The following SLC7A14 variants were observed in gnomAD, a reference collection of about 807,000 sequenced individuals.
SLC7A14 encodes solute carrier family 7 member 14.
A neutral mutation model predicts 60.2 loss-of-function variants in SLC7A14; 37 were observed. The ratio of observed to expected loss-of-function variants is 0.61; its 90% CI spans 0.47 to 0.81. The LOEUF is 0.81. Ranked by LOEUF, SLC7A14 falls within the 30% of genes least tolerant of loss-of-function variation. The pLI, the probability that SLC7A14 is intolerant of heterozygous loss-of-function variation, is 0.00. For synonymous variants in SLC7A14, 399 were observed against 395.8 expected, an observed-to-expected ratio of 1.01 and a Z score of -0.10; for missense variants, 886 against 982.7, an observed-to-expected ratio of 0.90 and a Z score of 1.32.
chr3:170,492,153 G>T (rs146129753), intron 4 of SLC7A14, among the ~76,000 whole-genome samples: 2 of 152,236 alleles, frequency 1.3e-5, no homozygotes, highest in African/African-American at 4.8e-5. Context: ...TCTGACCACT[G>T]GTGTTTATAA....
At chr3:170,576,790 A>T (rs1469369690) in intron 1 of SLC7A14, among the ~76,000 whole-genome samples, 1 of 152,132 alleles carries the variant, frequency 6.6e-6, no homozygotes, top group African/African-American at 2.4e-5. Context: ...GATATTTAAC[A>T]TTCTAGATCC....
chr3:170,512,399 C>A (rs941596296), intron 2 of SLC7A14, among the ~76,000 whole-genome samples: 1 of 152,118 alleles, frequency 6.6e-6, no homozygotes, highest in East Asian at 1.9e-4. Flanking sequence ...CATGAGAGAC[C>A]CTTCATGACA....
At chr3:170,513,077 G>A (rs964224294) in intron 2 of SLC7A14, among the ~76,000 whole-genome samples, 2 of 152,120 alleles carry the variant, frequency 1.3e-5, no homozygotes, top group Non-Finnish European at 2.9e-5. Context: ...TTCTAGCTAA[G>A]TAGCTCCTAC....
intron 1 of SLC7A14, among the ~76,000 whole-genome samples, chr3:170,549,026 A>T (rs1245680924): frequency 1.3e-5 from 2 of 152,172 alleles, no homozygotes; most frequent in Non-Finnish European, 2.9e-5. Context: ...GGGACATAGA[A>T]ATAAATAAAT....
At position 170,465,999 on chromosome 3, in the gene SLC7A14, G is replaced by A. The variant is rs980617110; in HGVS notation, c.*1056C>T. 6.6e-6 allele frequency: 1 copy of A among 152,166 alleles called. No individual in the cohort carries two copies. Among genetic ancestry groups the A allele is most frequent in the African/African-American group, 2.4e-5 (1 of 41,438 alleles). The allele number at this position is 152,166 out of a possible 1,614,324, so 9.4% of individuals were successfully genotyped here. On this transcript the variant is annotated 3_prime_UTR_variant, in exon 8 of 8. Transcript: ENST00000231706. ...AAGGAATAAGGTTCAGAAGTGAAATGTGATCTCATGGAATGCAACTACCTA... is the reference window on the plus strand; with the variant it reads ...AAGGAATAAGGTTCAGAAGTGAAATATGATCTCATGGAATGCAACTACCTA...
intron 7 of SLC7A14, among the ~76,000 whole-genome samples, chr3:170,473,149 G>A (rs1321310039): frequency 6.6e-6 from 1 of 152,094 alleles, no homozygotes; most frequent in East Asian, 1.9e-4. Flanking sequence ...TCATATACTA[G>A]GGTACCTTGG....
At chr3:170,491,530 G>T (rs1051355027) in intron 4 of SLC7A14, among the ~76,000 whole-genome samples, 1 of 151,924 alleles carries the variant, frequency 6.6e-6, no homozygotes, top group Admixed American at 6.6e-5. Context: ...GAGTATTTAG[G>T]CAGGGTTAAG....
intron 1 of SLC7A14, among the ~76,000 whole-genome samples, chr3:170,584,160 T>C (rs924625556): frequency 2.6e-5 from 4 of 152,162 alleles, no homozygotes; most frequent in African/African-American, 7.2e-5. Flanking sequence ...CAAATAGGCC[T>C]CCCCAAATTG....
rs1277063649 is a variant in SLC7A14 at position 170,461,403 on chromosome 3, G to C, written c.*5652C>G. ...TGTTTCAGAATGATTTCAGAATGAT[G>C]CCTGCATTACTCAAGCAGGACAAGA... is the stretch of plus-strand genomic sequence containing the variant. On this transcript the variant is annotated 3_prime_UTR_variant, in exon 8 of 8. Transcript: ENST00000231706. 2 of 152,192 alleles carry C rather than the reference G, an allele frequency of 1.3e-5. No homozygotes were observed. The highest frequency in any genetic ancestry group is 1.3e-4 in the Admixed American group (2 of 15,290). The allele number at this position is 152,192 out of a possible 1,614,324, so 9.4% of individuals were successfully genotyped here. A position where few individuals can be genotyped will look rare whatever the true frequency, so the allele number is the denominator to read the frequency against.
chr3:170,480,791 C>T lies in SLC7A14; in HGVS notation c.1491G>A (p.Gly497=), dbSNP rs145787666. 92 of 1,614,180 alleles carry T rather than the reference C, an allele frequency of 5.7e-5. 1 individual carries two copies. The East Asian group carries it at 1.8e-3, about 32-fold the overall frequency. ...PSLGDNEMLI[G]KSDKSTYNVN... is the part of the protein sequence containing the mutation. ...CGTTGTAGGTTGACTTGTCTGATTT[C>T]CCTATGAGCATCTCATTGTCTCCCA... is the stretch of plus-strand genomic sequence containing the variant. Residue 497 remains glycine, a synonymous_variant, in exon 7 of 8, where the codon GGG becomes GGA. Transcript: ENST00000231706.
intron 7 of SLC7A14, 112 bp downstream of exon 7, chr3:170,480,177 G>A (rs1711761660): frequency 8.6e-7 from 1 of 1,160,084 alleles, no homozygotes; most frequent in African/African-American, 1.5e-5. Flanking sequence ...CATAGAACCA[G>A]CCAGATTTCT....
intron 1 of SLC7A14, among the ~76,000 whole-genome samples, chr3:170,537,060 T>C (rs1461568315): frequency 1.3e-5 from 2 of 152,198 alleles, no homozygotes; most frequent in African/African-American, 4.8e-5. Context: ...AGAAATGCTA[T>C]CACATATCTC....
chr3:170,543,296 C>A (rs1286914044), intron 1 of SLC7A14, among the ~76,000 whole-genome samples: 1 of 152,144 alleles, frequency 6.6e-6, no homozygotes, highest in African/African-American at 2.4e-5. Context: ...CAAGGAGAGG[C>A]CATTTTACTA....
At chr3:170,516,452 G>T (rs2108288783) in intron 2 of SLC7A14, among the ~76,000 whole-genome samples, 1 of 152,152 alleles carries the variant, frequency 6.6e-6, no homozygotes, top group Admixed American at 6.5e-5. Flanking sequence ...GCCAGGCACA[G>T]TGGCTCACAG....
At chr3:170,477,658 A>G (rs1439214311) in intron 7 of SLC7A14, among the ~76,000 whole-genome samples, 1 of 152,268 alleles carries the variant, frequency 6.6e-6, no homozygotes, top group Non-Finnish European at 1.5e-5. Flanking sequence ...AATTTAAAAA[A>G]GTCATCTATA....
chr3:170,525,182 A>G (rs1357376784), intron 2 of SLC7A14, among the ~76,000 whole-genome samples: 1 of 152,234 alleles, frequency 6.6e-6, no homozygotes, highest in Non-Finnish European at 1.5e-5. Flanking sequence ...CCTAAAACCC[A>G]GAAAAGCCTC....
intron 1 of SLC7A14, among the ~76,000 whole-genome samples, chr3:170,553,109 C>T (rs1406457648): frequency 3.9e-5 from 6 of 152,148 alleles, no homozygotes; most frequent in East Asian, 1.9e-4. Flanking sequence ...AGTTTCATTC[C>T]GGCATTTATC....
chr3:170,540,545 C>T (rs1024498130), intron 1 of SLC7A14, among the ~76,000 whole-genome samples: 16 of 151,582 alleles, frequency 1.1e-4, no homozygotes, highest in Non-Finnish European at 1.8e-4. Flanking sequence ...AGATTTGCAT[C>T]GCCCAGGAGT....
chr3:170,551,341 A>G (rs1397159546), intron 1 of SLC7A14, among the ~76,000 whole-genome samples: 2 of 152,288 alleles, frequency 1.3e-5, no homozygotes, highest in East Asian at 3.9e-4. Flanking sequence ...TTTGGATATT[A>G]TGAATAATGT....
Sources: allele counts gnomAD v4.1 joint callset (sites outside exome capture counted in the v4.1 genomes callset), GRCh38; gene constraint gnomAD v4.1.1; transcripts MANE v1.5; gene names NCBI Gene and HGNC (gene_info 2026-07-23, HGNC 2026-07-21).